Variants in B3GALT5 observed in about 807,000 individuals in gnomAD.
B3GALT5 encodes beta-1,3-galactosyltransferase 5.
For synonymous variants in B3GALT5, 156 were observed against 158.6 expected, an observed-to-expected ratio of 0.98 and a Z score of 0.12; for missense variants, 328 against 396.6, an observed-to-expected ratio of 0.83 and a Z score of 1.47.
intron 1 of B3GALT5, among the ~76,000 whole-genome samples, chr21:39,634,362 G>T (rs926694869): frequency 5.3e-5 from 8 of 152,124 alleles, no homozygotes; most frequent in Non-Finnish European, 1.2e-4. Context: ...GTCCCGATCC[G>T]ACTTCAGAGG....
At chr21:39,655,973 C>T (rs541338344) in intron 2 of B3GALT5, among the ~76,000 whole-genome samples, 5 of 152,176 alleles carry the variant, frequency 3.3e-5, no homozygotes, top group African/African-American at 4.8e-5. Context: ...CTGGGGTCTT[C>T]GACCTTGTTT....
At chr21:39,648,353 G>C (rs2079361583) in intron 2 of B3GALT5, among the ~76,000 whole-genome samples, 1 of 152,178 alleles carries the variant, frequency 6.6e-6, no homozygotes, top group Non-Finnish European at 1.5e-5. Flanking sequence ...AGAGTGAGGG[G>C]AGGGGACAGG....
chr21:39,637,628 G>A (rs1039387712), intron 1 of B3GALT5, among the ~76,000 whole-genome samples: 2 of 152,220 alleles, frequency 1.3e-5, no homozygotes, highest in African/African-American at 4.8e-5. Flanking sequence ...TAGCAGGACT[G>A]CTCCCAGCTG....
At chr21:39,647,464 G>C (rs973221149) in intron 2 of B3GALT5, among the ~76,000 whole-genome samples, 5 of 152,056 alleles carry the variant, frequency 3.3e-5, no homozygotes, top group East Asian at 1.9e-4. Flanking sequence ...TCAGTCTCCT[G>C]AGTGGCTGGG....
chr21:39,637,090 G>T (rs1162425291), intron 1 of B3GALT5, among the ~76,000 whole-genome samples: 1 of 152,124 alleles, frequency 6.6e-6, no homozygotes, highest in African/African-American at 2.4e-5. Flanking sequence ...TATTAGGGCC[G>T]AGCACACGGG....
chr21:39,629,966 A>T (rs1318190596), intron 1 of B3GALT5, among the ~76,000 whole-genome samples: 3 of 152,226 alleles, frequency 2.0e-5, no homozygotes, highest in African/African-American at 7.2e-5. Flanking sequence ...TAAGTCACTT[A>T]TTTTAGCATA....
At position 39,627,230 on chromosome 21, in the gene B3GALT5, G is replaced by T. The variant is rs115278662; in HGVS notation, c.-392+14163G>T. Among the ~76,000 whole-genome samples, 1,281 of 152,278 alleles carry T rather than the reference G, an allele frequency of 8.4e-3. 6 individuals are homozygous for T. The highest frequency in any genetic ancestry group is 0.014 in the African/African-American group (569 of 41,550). ...CTGGTGACTATCCTTTGTTCTTGAG[G>T]CTCCTTTGATCTCTGGGACACTTTC... On this transcript the variant is annotated intron_variant, in intron 1 of 3. Coordinates refer to ENST00000684187, the MANE Select transcript of B3GALT5 (RefSeq NM_001356336.2).
chr21:39,666,816 T>G lies in B3GALT5; in HGVS notation c.*5324T>G, dbSNP rs1020173867. 1.3e-5 allele frequency: 2 copies of G among 152,294 alleles called. No homozygotes were observed. The highest frequency in any genetic ancestry group is 2.9e-5 in the Non-Finnish European group (2 of 68,096). 9.4% of individuals were successfully genotyped at this position (152,294 alleles called of 1,614,324 possible). ...CAAGTCAACAATAACTTGCCAGGCC[T>G]TCTTTCCTTGAGCCCCATATCCCAC... On this transcript the variant is annotated 3_prime_UTR_variant, in exon 4 of 4. Coordinates refer to ENST00000684187, the MANE Select transcript of B3GALT5 (RefSeq NM_001356336.2).
At position 39,671,867 on chromosome 21, in the gene B3GALT5, G is replaced by T. The variant is rs1307670078; in HGVS notation, c.*10375G>T. The T allele has an allele frequency of 2.0e-5, 3 of 152,168 alleles. No homozygotes were observed. The highest frequency in any genetic ancestry group is 1.3e-4 in the Admixed American group (2 of 15,282). 9.4% of individuals were successfully genotyped at this position (152,168 alleles called of 1,614,324 possible). On this transcript the variant is annotated 3_prime_UTR_variant, in exon 4 of 4. Coordinates refer to ENST00000684187, the MANE Select transcript of B3GALT5 (RefSeq NM_001356336.2). ...GACCTCTTGCTCTCAGATTGGCCTT[G>T]AAGCTGAAGGGAACCTGTCCACCCT...
rs1160013456 is a variant in B3GALT5 at position 39,634,067 on chromosome 21, A to G, written c.-391-12325A>G. Among the ~76,000 whole-genome samples, 2 of 152,198 alleles carry G rather than the reference A, an allele frequency of 1.3e-5. 1 individual carries two copies. Among genetic ancestry groups the G allele is most frequent in the Non-Finnish European group, 2.9e-5 (2 of 68,046 alleles). ...TTACCTCATGACTCAGTACACACAT[A>G]TGACCCACCAAACAGTACTTGCCTT... On this transcript the variant is annotated intron_variant, in intron 1 of 3. Transcript: ENST00000684187.
chr21:39,661,080 A>ACC lies in B3GALT5; in HGVS notation c.522_523insCC (p.Arg175ProfsTer11). On this transcript the variant is annotated frameshift_variant, in exon 4 of 4. Coordinates refer to ENST00000684187, the MANE Select transcript of B3GALT5 (RefSeq NM_001356336.2). LOFTEE classifies it low-confidence loss of function (END_TRUNC). This position sits in a 1 kb window ranked among gnomAD's most constrained non-coding sequence, Gnocchi z 4.7. ...CTGACTGAACTGCTTCTGAAGAAAA[A>ACC]CAGAACAACCAGGTTTTTCACTGGC... 2.5e-6 allele frequency: 4 copies of ACC among 1,614,170 alleles called. No homozygotes were observed. The highest frequency in any genetic ancestry group is 3.4e-6 in the Non-Finnish European group (4 of 1,180,028).
chr21:39,660,661 G>C lies in B3GALT5; in HGVS notation c.102G>C (p.Gln34His), dbSNP rs2079505204. 4 of 1,547,994 alleles carry C rather than the reference G, an allele frequency of 2.6e-6. No individual in the cohort carries two copies. In the East Asian group the frequency reaches 9.0e-5, roughly 35 times the overall value. ...ACAGTCTAAATCCTTTCAAAGAACAGTCCTTTGTTTACAAGAAAGACGGGA... is the reference window on the plus strand; with the variant it reads ...ACAGTCTAAATCCTTTCAAAGAACACTCCTTTGTTTACAAGAAAGACGGGA... The part of the protein sequence containing the change: ...SMYSLNPFKE[Q>H]SFVYKKDGNF... Residue 34 changes from glutamine to histidine, a missense_variant, in exon 4 of 4, where the codon CAG becomes CAC. Coordinates refer to ENST00000684187, the MANE Select transcript of B3GALT5 (RefSeq NM_001356336.2).
At chr21:39,639,462 T>TTCTTTC (rs2079271284) in intron 1 of B3GALT5, among the ~76,000 whole-genome samples, 1 of 132,392 alleles carries the variant, frequency 7.6e-6, no homozygotes, top group African/African-American at 3.1e-5. Context: ...CTTTTTTTCT[T>TTCTTTC]TCTCTCTCTC....
intron 3 of B3GALT5, 151 bp from the exon 4 acceptor site, chr21:39,660,409 C>G (rs1404772176): frequency 3.8e-6 from 2 of 531,620 alleles, no homozygotes; most frequent in Non-Finnish European, 6.1e-6. Flanking sequence ...TTGTGCTTAA[C>G]TGTTTAACCA....
intron 1 of B3GALT5, among the ~76,000 whole-genome samples, chr21:39,619,976 T>C (rs917646809): frequency 1.3e-5 from 2 of 152,106 alleles, no homozygotes; most frequent in Non-Finnish European, 2.9e-5. Context: ...TGTGGCCAAT[T>C]TTTATATTTT....
chr21:39,657,905 G>A (rs1261100486), intron 2 of B3GALT5: 11 of 1,231,476 alleles, frequency 8.9e-6, no homozygotes, highest in East Asian at 6.3e-5. Context: ...TAGGGCTTCT[G>A]TAGCACAGAT....
At chr21:39,656,352 C>G (rs2079444148) in intron 2 of B3GALT5, among the ~76,000 whole-genome samples, 1 of 152,194 alleles carries the variant, frequency 6.6e-6, no homozygotes, top group Non-Finnish European at 1.5e-5. Context: ...CTCAGGACTG[C>G]CAACACCCTC....
intron 1 of B3GALT5, among the ~76,000 whole-genome samples, chr21:39,639,330 C>CTT (rs2079257914): frequency 1.7e-5 from 2 of 118,156 alleles, no homozygotes; most frequent in South Asian, 3.2e-4. Flanking sequence ...TTCTTTCTTT[C>CTT]TTTCTTTCTT....
At chr21:39,633,621 T>G (rs667432) in intron 1 of B3GALT5, among the ~76,000 whole-genome samples, 77,190 of 152,052 alleles carry the variant, frequency 0.51, 19,840 homozygotes, top group South Asian at 0.6. Context: ...CATGGATGAA[T>G]CCAGAGCTTT....
Sources: allele counts gnomAD v4.1 joint callset (sites outside exome capture counted in the v4.1 genomes callset), GRCh38; gene constraint gnomAD v4.1.1; non-coding constraint Gnocchi (gnomAD v3.1); transcripts MANE v1.5; gene names NCBI Gene and HGNC (gene_info 2026-07-23, HGNC 2026-07-21).